DLGAP2: variants seen among roughly 807,000 people sequenced by gnomAD.
DLGAP2 encodes the protein DLG associated protein 2.
DLGAP2 carries 26 observed loss-of-function variants against 100.3 expected under a neutral mutation model. That is an observed-to-expected ratio of 0.26 (90% confidence interval 0.19 to 0.36). DLGAP2 has a LOEUF of 0.36. Among genes scored for constraint, DLGAP2 ranks in the 10% least tolerant of loss-of-function variants. The pLI is 1.00. For synonymous variants in DLGAP2, 886 were observed against 630.1 expected (o/e 1.41, Z -6.08); for missense variants, 1,858 against 1,453.2 (o/e 1.28, Z -4.53).
chr8:751,406 G>T (rs563677870), intron 1 of DLGAP2, among the ~76,000 whole-genome samples: 3 of 152,314 alleles, frequency 2.0e-5, no homozygotes, highest in East Asian at 3.9e-4. Context: ...TCTGACAGTC[G>T]CTCAGGAGGT....
At chr8:1,072,960 G>GACA (rs1803481264) in intron 2 of DLGAP2, among the ~76,000 whole-genome samples, 1 of 152,146 alleles carries the variant, frequency 6.6e-6, no homozygotes, top group African/African-American at 2.4e-5. Context: ...GTTCCTATGT[G>GACA]ACACATTAGG....
At chr8:1,700,377 G>A (rs1014512923) in intron 14 of DLGAP2, among the ~76,000 whole-genome samples, 1 of 151,182 alleles carries the variant, frequency 6.6e-6, no homozygotes, top group Non-Finnish European at 1.5e-5. Flanking sequence ...TGTCCAGAAG[G>A]GGAGACGGGG....
At chr8:1,160,730 G>A (rs1028075310) in intron 2 of DLGAP2, among the ~76,000 whole-genome samples, 3 of 152,244 alleles carry the variant, frequency 2.0e-5, no homozygotes, top group African/African-American at 7.2e-5. Flanking sequence ...ACCACAAAGT[G>A]TAAAGCCACC....
chr8:1,333,669 C>T (rs1011008013), intron 3 of DLGAP2, among the ~76,000 whole-genome samples: 2 of 152,196 alleles, frequency 1.3e-5, no homozygotes, highest in East Asian at 1.9e-4. Flanking sequence ...CCGATGTAAC[C>T]GCGGGCTCTC....
At chr8:1,506,588 T>G (rs961902416) in intron 4 of DLGAP2, among the ~76,000 whole-genome samples, 13 of 152,194 alleles carry the variant, frequency 8.5e-5, no homozygotes, top group African/African-American at 2.9e-4. Context: ...GCATCCACAC[T>G]GCCCAAGACG....
chr8:1,030,928 G>A (rs927801854), intron 2 of DLGAP2, among the ~76,000 whole-genome samples: 5 of 151,930 alleles, frequency 3.3e-5, no homozygotes, highest in Admixed American at 6.6e-5. Context: ...GCGCAAGGTC[G>A]GTGCCTGACC....
At chr8:1,129,177 G>C (rs906664749) in intron 2 of DLGAP2, among the ~76,000 whole-genome samples, 1 of 152,134 alleles carries the variant, frequency 6.6e-6, no homozygotes, top group East Asian at 1.9e-4. Flanking sequence ...AGGCCAAGGT[G>C]GGTGGATCAC....
intron 1 of DLGAP2, among the ~76,000 whole-genome samples, chr8:826,498 C>T (rs75111985): frequency 0.042 from 6,336 of 152,200 alleles, 206 homozygotes; most frequent in African/African-American, 0.082. Context: ...ACTTTTTCCC[C>T]ACAGGCATTT....
chr8:1,164,847 G>A (rs1275126880), intron 2 of DLGAP2, among the ~76,000 whole-genome samples: 13 of 152,044 alleles, frequency 8.6e-5, no homozygotes, highest in Non-Finnish European at 1.3e-4. Flanking sequence ...CTTTGTCAGC[G>A]TTGCTGAGAC....
At chr8:1,640,458 T>G (rs1371938845) in intron 8 of DLGAP2, among the ~76,000 whole-genome samples, 2 of 152,020 alleles carry the variant, frequency 1.3e-5, no homozygotes, top group South Asian at 2.1e-4. Flanking sequence ...CGTGCGGGAG[T>G]CGGTCCGAGA....
chr8:1,555,772 C>T (rs766452516), intron 5 of DLGAP2, among the ~76,000 whole-genome samples: 2 of 152,232 alleles, frequency 1.3e-5, no homozygotes, highest in African/African-American at 4.8e-5. Flanking sequence ...GGACCCAACA[C>T]ATTCTTATCC....
At chr8:1,454,004 C>T (rs1798235783) in intron 3 of DLGAP2, among the ~76,000 whole-genome samples, 1 of 152,190 alleles carries the variant, frequency 6.6e-6, no homozygotes, top group Non-Finnish European at 1.5e-5. Context: ...TGGCCTCCTG[C>T]CAGGCAGTGG....
rs111252665 is a variant in DLGAP2, at chr8:1,699,569, G to A, written c.2950-1619G>A. ...GCAGAGCTTGTAGTGAGCCAAGATC[G>A]TGCCACTGCACTGCAGCCTAGGCAA... On this transcript the variant is annotated intron_variant, in intron 14 of 14. Transcript: ENST00000637795. Among the ~76,000 whole-genome samples, 843 of 152,066 alleles carry A rather than the reference G, an allele frequency of 5.5e-3. 6 individuals carry two copies. The highest frequency in any genetic ancestry group is 9.4e-3 in the Admixed American group (144 of 15,288).
chr8:1,472,980 G>T (rs1180453279), intron 3 of DLGAP2, among the ~76,000 whole-genome samples: 1 of 152,060 alleles, frequency 6.6e-6, no homozygotes, highest in Non-Finnish European at 1.5e-5. Context: ...GTCCAGGCTG[G>T]AGTGCAGTGG....
At chr8:990,348 T>C (rs1306441006) in intron 2 of DLGAP2, among the ~76,000 whole-genome samples, 1 of 136,930 alleles carries the variant, frequency 7.3e-6, no homozygotes, top group Admixed American at 7.3e-5. Flanking sequence ...CCTGTTCTTC[T>C]CTCCCTCCTT....
At chr8:912,701 C>A (rs1798511990) in intron 2 of DLGAP2, among the ~76,000 whole-genome samples, 1 of 151,398 alleles carries the variant, frequency 6.6e-6, no homozygotes. Context: ...ACCGTGGTGC[C>A]CGCCTTCCTC....
intron 1 of DLGAP2, among the ~76,000 whole-genome samples, chr8:828,972 ATGAATCAC>A (rs1433756809): frequency 1.3e-5 from 2 of 152,318 alleles, no homozygotes; most frequent in East Asian, 3.9e-4. Context: ...CTACTGGGTA[ATGAATCAC>A]TGGCTTTTAG....
intron 3 of DLGAP2, chr8:1,301,170 C>G (rs755277467): frequency 6.6e-6 from 1 of 152,384 alleles, no homozygotes; most frequent in African/African-American, 2.4e-5. Context: ...CTTCTGGCTC[C>G]GCCAGTGCTG....
intron 3 of DLGAP2, among the ~76,000 whole-genome samples, chr8:1,319,191 C>G (rs1800838731): frequency 6.6e-6 from 1 of 152,144 alleles, no homozygotes; most frequent in Admixed American, 6.5e-5. Flanking sequence ...TCCCCTCCCT[C>G]CTCCCTGGTC....
Sources: allele counts gnomAD v4.1 joint callset (sites outside exome capture counted in the v4.1 genomes callset), GRCh38; gene constraint gnomAD v4.1.1; transcripts MANE v1.5; gene names NCBI Gene and HGNC (gene_info 2026-07-23, HGNC 2026-07-21).